The following ATP9A variants were observed in gnomAD, a reference collection of about 807,000 sequenced individuals.
The protein encoded by ATP9A is probable phospholipid-transporting ATPase IIA.
In ATP9A, 52 loss-of-function variants were observed where a neutral mutation model predicts 144.1. The ratio of observed to expected loss-of-function variants is 0.36; its 90% CI spans 0.29 to 0.45. The LOEUF is 0.45. ATP9A is among the 20% of genes least tolerant of loss of function. The pLI, the probability that ATP9A is intolerant of heterozygous loss-of-function variation, is 1.00. For missense variants in ATP9A, 947 were observed against 1,392.7 expected, an observed-to-expected ratio of 0.68 and a Z score of 5.09; for synonymous variants, 582 against 557.4, an observed-to-expected ratio of 1.04 and a Z score of -0.62.
intron 15 of ATP9A, among the ~76,000 whole-genome samples, chr20:51,633,092 C>G (rs1319081687): frequency 3.3e-5 from 5 of 152,044 alleles, no homozygotes; most frequent in African/African-American, 1.2e-4. Context: ...CCACTGCACT[C>G]CAGCCTGGAT....
chr20:51,649,550 C>A (rs931791094), intron 14 of ATP9A, among the ~76,000 whole-genome samples: 1 of 152,158 alleles, frequency 6.6e-6, no homozygotes, highest in Admixed American at 6.5e-5. Context: ...TTAGCAAGGA[C>A]CTGTGAAGTC....
chr20:51,706,758 A>C (rs1239049312), intron 4 of ATP9A, among the ~76,000 whole-genome samples: 11 of 152,216 alleles, frequency 7.2e-5, no homozygotes, highest in Admixed American at 6.5e-4. Context: ...TCAAAAATAA[A>C]GAACGAAAAG....
At chr20:51,655,531 G>A (rs556008483) in intron 14 of ATP9A, among the ~76,000 whole-genome samples, 3 of 152,214 alleles carry the variant, frequency 2.0e-5, no homozygotes, top group East Asian at 1.9e-4. Flanking sequence ...ACGAAAAGAC[G>A]CTCAACATCA....
At chr20:51,707,587 A>C (rs1483729256) in intron 4 of ATP9A, among the ~76,000 whole-genome samples, 1 of 152,188 alleles carries the variant, frequency 6.6e-6, no homozygotes, top group Non-Finnish European at 1.5e-5. Flanking sequence ...CCCAGGTGGA[A>C]GCAGGACTCC....
Position 51,690,731 on chromosome 20 carries a change from T to G in ATP9A, c.723+8A>C. 6.2e-7 allele frequency: 1 copy of G among 1,610,658 alleles called. No individual in the cohort carries two copies. The highest frequency in any genetic ancestry group is 1.7e-4 in the Middle Eastern group (1 of 6,058). ...TGACAGGATCCCATGTGAAGGAAGC[T>G]CACTTACTCGGGTAAAAGTTCCCAC... is the stretch of plus-strand genomic sequence containing the variant. On this transcript the variant is annotated splice_region_variant and intron_variant, in intron 8 of 27. Transcript: ENST00000338821.
chr20:51,723,832 G>A (rs2077700523), intron 3 of ATP9A, among the ~76,000 whole-genome samples: 1 of 151,998 alleles, frequency 6.6e-6, no homozygotes, highest in African/African-American at 2.4e-5. Context: ...TGGAATTACA[G>A]GTGTGAGCCA....
chr20:51,722,468 T>G (rs184058106), intron 3 of ATP9A, among the ~76,000 whole-genome samples: 79 of 151,984 alleles, frequency 5.2e-4, no homozygotes, highest in Admixed American at 3.5e-3. Flanking sequence ...ACATCCAGAA[T>G]CTACAAAGAA....
chr20:51,679,474 GT>G (rs2077491279), intron 9 of ATP9A, among the ~76,000 whole-genome samples: 1 of 152,000 alleles, frequency 6.6e-6, no homozygotes, highest in African/African-American at 2.4e-5. Context: ...GCTCACCATG[GT>G]CCCCATCCAC....
chr20:51,701,322 T>C (rs962675549), intron 4 of ATP9A, among the ~76,000 whole-genome samples: 2 of 152,240 alleles, frequency 1.3e-5, no homozygotes, highest in South Asian at 2.1e-4. Flanking sequence ...CAGCAGGGCT[T>C]TCTCTGGCAC....
intron 22 of ATP9A, among the ~76,000 whole-genome samples, chr20:51,615,577 A>T (rs2077200159): frequency 6.6e-6 from 1 of 152,226 alleles, no homozygotes; most frequent in African/African-American, 2.4e-5. Context: ...GAGAATAACC[A>T]GTGTTACTCA....
chr20:51,652,042 A>G (rs1168356443), intron 14 of ATP9A, among the ~76,000 whole-genome samples: 1 of 152,222 alleles, frequency 6.6e-6, no homozygotes, highest in East Asian at 1.9e-4. Context: ...CCTGGCTCAA[A>G]CCAAGAAACA....
Position 51,604,893 on chromosome 20 carries a change from G to A in ATP9A, c.2931C>T (p.His977=). The stretch of plus-strand genomic sequence containing the variant: ...GCAGCTCCGCCACTGTCATGAGCCA[G>A]TGCCAGGTCTGGATGGTCAGCGCCA... ...LMVALTIQTW[H]WLMTVAELLS... is the part of the protein sequence containing the mutation. Residue 977 remains histidine, a synonymous_variant, in exon 27 of 28, where the codon CAC becomes CAT. Transcript: ENST00000338821. 3 of 1,609,300 alleles carry A rather than the reference G, an allele frequency of 1.9e-6. No individual in the cohort carries two copies. Among genetic ancestry groups the A allele is most frequent in the South Asian group, 2.2e-5 (2 of 90,446 alleles).
At chr20:51,626,838 C>A (rs1342289016) in intron 17 of ATP9A, among the ~76,000 whole-genome samples, 1 of 152,052 alleles carries the variant, frequency 6.6e-6, no homozygotes, top group East Asian at 1.9e-4. Flanking sequence ...TGGTGGATCA[C>A]CTGAGGTCAG....
intron 10 of ATP9A, among the ~76,000 whole-genome samples, 183 bp from the exon 11 acceptor site, chr20:51,674,496 A>G (rs950483316): frequency 3.3e-5 from 5 of 152,194 alleles, no homozygotes; most frequent in African/African-American, 7.2e-5. Flanking sequence ...ATCGATCCTC[A>G]TATCTTTGGT....
intron 2 of ATP9A, among the ~76,000 whole-genome samples, chr20:51,728,391 C>A (rs920381674): frequency 7.9e-5 from 12 of 152,042 alleles, no homozygotes; most frequent in Non-Finnish European, 1.3e-4. Flanking sequence ...CTTTGGGAGG[C>A]CAAGGTGGGT....
At position 51,657,135 on chromosome 20, in the gene ATP9A, G is replaced by A. The variant is rs868017351; in HGVS notation, c.1309C>T (p.Pro437Ser). Residue 437 changes from proline (P) to serine (S), a missense_variant, in exon 14 of 28, where the codon CCG becomes TCG. By Grantham distance (74) the Pro-to-Ser change is moderately conservative. Transcript: ENST00000338821. Reference protein sequence around the residue: ...SIYTQQSQDPPAQKGPTLTTK... With the variant: ...SIYTQQSQDPSAQKGPTLTTK... ...GTGAGCGTTGGGCCCTTCTGAGCCG[G>A]TGGGTCCTGGGATTGCTACAGGAAG... 2 of 1,614,068 alleles carry A rather than the reference G, an allele frequency of 1.2e-6. No individual in the cohort carries two copies. Among genetic ancestry groups the A allele is most frequent in the Non-Finnish European group, 1.7e-6 (2 of 1,179,986 alleles).
At chr20:51,747,425 C>T (rs2077813510) in intron 1 of ATP9A, among the ~76,000 whole-genome samples, 1 of 152,040 alleles carries the variant, frequency 6.6e-6, no homozygotes, top group Admixed American at 6.6e-5. Flanking sequence ...CAAAGGCACC[C>T]CCTGTGCAAT....
intron 14 of ATP9A, among the ~76,000 whole-genome samples, chr20:51,647,242 G>T (rs1275799116): frequency 2.6e-5 from 4 of 152,112 alleles, no homozygotes; most frequent in Non-Finnish European, 5.9e-5. Flanking sequence ...CCTAAAATGT[G>T]ATCATTAAGA....
At chr20:51,739,632 C>T (rs1482711487) in intron 1 of ATP9A, among the ~76,000 whole-genome samples, 2 of 152,080 alleles carry the variant, frequency 1.3e-5, no homozygotes, top group Non-Finnish European at 2.9e-5. Flanking sequence ...AGTCAATTTC[C>T]TCCATCTTCT....
Sources: gnomAD v4.1 joint callset for allele counts (sites outside exome capture counted in the v4.1 genomes callset) on GRCh38, gnomAD v4.1.1 for gene constraint, MANE v1.5 for transcripts, NCBI Gene and HGNC (gene_info 2026-07-23, HGNC 2026-07-21) for gene names.